SLCO6A1: variants seen among roughly 807,000 people sequenced by gnomAD.
SLCO6A1 encodes the protein cancer/testis antigen 48.
In SLCO6A1, 65 loss-of-function variants were observed where a neutral mutation model predicts 72.7. The ratio of observed to expected loss-of-function variants is 0.89; its 90% confidence interval spans 0.73 to 1.10. The LOEUF is 1.10. Among genes scored for constraint, SLCO6A1 ranks in the 50% least tolerant of loss-of-function variants. The pLI, the probability that SLCO6A1 is intolerant of heterozygous loss-of-function variation, is 0.00. For synonymous variants in SLCO6A1, 314 were observed against 298.2 expected, an observed-to-expected ratio of 1.05 and a Z score of -0.55; for missense variants, 874 against 872.6, an observed-to-expected ratio of 1.00 and a Z score of -0.02.
In SLCO6A1 at chr5:102,408,125, A is replaced by G. The variant is rs142964261; in HGVS notation, c.1626+4865T>C. On this transcript the variant is annotated intron_variant, in intron 9 of 13. Transcript: ENST00000506729. ...ATATCTACTCCTTTTTTTCCTATAC[A>G]TACATACCTATAATAAAGTTTAATT... is the stretch of plus-strand genomic sequence containing the variant. 2.1e-3 allele frequency among the ~76,000 whole-genome samples: 318 copies of G among 152,268 alleles called. 3 individuals carry two copies. The highest frequency in any genetic ancestry group is 7.3e-3 in the African/African-American group (302 of 41,558).
At chr5:102,458,360 C>T in intron 6 of SLCO6A1, 22 bp downstream of exon 6, 1 of 1,523,428 alleles carries the variant, frequency 6.6e-7, no homozygotes, top group South Asian at 1.1e-5. Context: ...TTGGATTGTT[C>T]AAGTAAAATA....
chr5:102,382,703 C>A (rs2112490032), intron 12 of SLCO6A1, among the ~76,000 whole-genome samples: 1 of 151,400 alleles, frequency 6.6e-6, no homozygotes, highest in African/African-American at 2.4e-5. Context: ...CTTTTACCTC[C>A]TCAGTTAAAT....
At position 102,412,623 on chromosome 5, in the gene SLCO6A1, C is replaced by T. The variant is rs540656416; in HGVS notation, c.1626+367G>A. On this transcript the variant is annotated intron_variant, in intron 9 of 13. Transcript: ENST00000506729. ...AAAAATTACAAAAATTAGCTGTGTG[C>T]GGTGGTGTGCGCCTGTAGTTTCAAC... is the stretch of plus-strand genomic sequence containing the variant. 1.5e-4 allele frequency among the ~76,000 whole-genome samples: 23 copies of T among 151,934 alleles called. No homozygotes were observed. The South Asian group carries it at 4.0e-3, about 26-fold the overall frequency.
intron 6 of SLCO6A1, among the ~76,000 whole-genome samples, chr5:102,455,019 T>C (rs913030641): frequency 9.5e-6 from 1 of 104,938 alleles, no homozygotes; most frequent in African/African-American, 3.2e-5. Flanking sequence ...TATATATATA[T>C]ATATATATAA....
At chr5:102,372,761 C>A (rs9285943) in intron 13 of SLCO6A1, among the ~76,000 whole-genome samples, 96,725 of 151,198 alleles carry the variant, frequency 0.64, 31,090 homozygotes, top group African/African-American at 0.66. Flanking sequence ...CTAAGATTAA[C>A]GAAACATCAA....
At chr5:102,388,549 T>A (rs1226251637) in intron 12 of SLCO6A1, 139 bp downstream of exon 12, 11 of 568,338 alleles carry the variant, frequency 1.9e-5, no homozygotes, top group Non-Finnish European at 2.6e-5. Context: ...TGGTCTCTAT[T>A]TTGCAGGTTA....
chr5:102,392,144 C>T (rs1434044949), intron 10 of SLCO6A1, among the ~76,000 whole-genome samples: 1 of 151,942 alleles, frequency 6.6e-6, no homozygotes, highest in African/African-American at 2.4e-5. Context: ...ACAGCACATA[C>T]ACAGTATTTT....
chr5:102,449,861 T>G (rs547021175), intron 6 of SLCO6A1, among the ~76,000 whole-genome samples: 1 of 152,362 alleles, frequency 6.6e-6, no homozygotes, highest in East Asian at 1.9e-4. Flanking sequence ...GTAAAATTCT[T>G]TTTTATTTTT....
intron 4 of SLCO6A1, among the ~76,000 whole-genome samples, chr5:102,463,004 A>C (rs575751452): frequency 6.6e-6 from 1 of 152,340 alleles, no homozygotes; most frequent in African/African-American, 2.4e-5. Context: ...TGTGGGAGAA[A>C]ATATTTGCAA....
chr5:102,392,672 AT>A (rs1173439849), intron 10 of SLCO6A1, among the ~76,000 whole-genome samples: 1 of 152,126 alleles, frequency 6.6e-6, no homozygotes, highest in African/African-American at 2.4e-5. Flanking sequence ...TAAGATTTTA[AT>A]GAAAAACTAC....
Position 102,427,864 on chromosome 5 carries a change from ATTTT to A in SLCO6A1, c.1277-7847_1277-7844del, listed in dbSNP as rs1200200259. ...TGTATACATATATATATATATATAT[ATTTT>A]TTTTTTTTTTTTTTTTTTTGAGACC... is the stretch of plus-strand genomic sequence containing the variant. On this transcript the variant is annotated intron_variant, in intron 7 of 13. Coordinates refer to ENST00000506729, the MANE Select transcript of SLCO6A1 (RefSeq NM_173488.5). Among the ~76,000 whole-genome samples, 597 of 76,142 alleles carry A rather than the reference ATTTT, an allele frequency of 7.8e-3. 4 individuals are homozygous for A. Among genetic ancestry groups the A allele is most frequent in the African/African-American group, 0.033 (554 of 16,976 alleles). The allele number at this position is 76,142 out of a possible 152,430, so 50.0% of individuals were successfully genotyped here.
At chr5:102,437,723 C>A (rs1328144725) in intron 7 of SLCO6A1, among the ~76,000 whole-genome samples, 1 of 151,980 alleles carries the variant, frequency 6.6e-6, no homozygotes, top group Admixed American at 6.6e-5. Flanking sequence ...ATCTTATTTG[C>A]TTTCTATTTT....
At chr5:102,414,651 T>C (rs1199468288) in intron 8 of SLCO6A1, among the ~76,000 whole-genome samples, 1 of 152,128 alleles carries the variant, frequency 6.6e-6, no homozygotes, top group Non-Finnish European at 1.5e-5. Context: ...GCTAGCACTT[T>C]GGGAGGTCGG....
chr5:102,457,656 A>T (rs1178172796), intron 6 of SLCO6A1, among the ~76,000 whole-genome samples: 1 of 152,178 alleles, frequency 6.6e-6, no homozygotes, highest in Non-Finnish European at 1.5e-5. Flanking sequence ...TGCTGGTGGG[A>T]CTGTAAACTA....
At chr5:102,437,444 T>C (rs1404900491) in intron 7 of SLCO6A1, among the ~76,000 whole-genome samples, 1 of 152,184 alleles carries the variant, frequency 6.6e-6, no homozygotes, top group African/African-American at 2.4e-5. Flanking sequence ...GAGTCAATAC[T>C]GCATGTAGCC....
chr5:102,437,474 C>G (rs1321667643), intron 7 of SLCO6A1, among the ~76,000 whole-genome samples: 2 of 151,996 alleles, frequency 1.3e-5, no homozygotes, highest in Non-Finnish European at 2.9e-5. Context: ...TTCTTGGAAT[C>G]CATTGATAAT....
At chr5:102,455,622 T>C (rs1355209525) in intron 6 of SLCO6A1, among the ~76,000 whole-genome samples, 2 of 152,124 alleles carry the variant, frequency 1.3e-5, no homozygotes, top group Non-Finnish European at 2.9e-5. Context: ...TACTTAAACA[T>C]AATAAAAAAG....
chr5:102,459,662 T>A lies in SLCO6A1; in HGVS notation c.1015A>T (p.Met339Leu), dbSNP rs1431534604. ...AATTACATTTTATAGTCACCTGGCATATTGTTTGGAAAGCATGACAATGGT... is the reference window on the plus strand; with the variant it reads ...AATTACATTTTATAGTCACCTGGCAAATTGTTTGGAAAGCATGACAATGGT... ...LIPLSCFPNN[M>L]PGSTRIKARK... is the part of the protein sequence containing the mutation. Residue 339 changes from methionine to leucine, a missense_variant, in exon 5 of 14, where the codon ATG becomes TTG. Transcript: ENST00000506729. 3 of 1,582,572 alleles carry A rather than the reference T, an allele frequency of 1.9e-6. No individual in the cohort carries two copies. The highest frequency in any genetic ancestry group is 1.7e-6 in the Non-Finnish European group (2 of 1,171,100).
At chr5:102,384,971 T>A (rs566775889) in intron 12 of SLCO6A1, among the ~76,000 whole-genome samples, 89 of 152,256 alleles carry the variant, frequency 5.8e-4, no homozygotes, top group Admixed American at 1.4e-3. Flanking sequence ...CATAATGGCT[T>A]AAGATCTTCC....
Sources: gnomAD v4.1 joint callset for allele counts (sites outside exome capture counted in the v4.1 genomes callset) on GRCh38, gnomAD v4.1.1 for gene constraint, MANE v1.5 for transcripts, NCBI Gene and HGNC (gene_info 2026-07-23, HGNC 2026-07-21) for gene names.